Variants in WWC2 observed in about 807,000 individuals in gnomAD.
WWC2 encodes the protein protein WWC2.
A neutral mutation model predicts 138.5 loss-of-function variants in WWC2; 101 were observed. The ratio of observed to expected loss-of-function variants is 0.73; its 90% confidence interval spans 0.62 to 0.86. WWC2 has a LOEUF of 0.86. Among genes scored for constraint, WWC2 ranks in the 40% least tolerant of loss-of-function variants. WWC2 has a pLI of 0.00. For missense variants in WWC2, 1,420 were observed against 1,419.4 expected, an observed-to-expected ratio of 1.00 and a Z score of -0.01; for synonymous variants, 558 against 538.4, an observed-to-expected ratio of 1.04 and a Z score of -0.50.
chr4:183,179,409 A>G (rs1173091101), intron 1 of WWC2, among the ~76,000 whole-genome samples: 1 of 152,208 alleles, frequency 6.6e-6, no homozygotes, highest in Non-Finnish European at 1.5e-5. Flanking sequence ...TGCTGTGTGG[A>G]GTATGGGTTA....
intron 4 of WWC2, among the ~76,000 whole-genome samples, chr4:183,232,854 G>A (rs984624334): frequency 6.6e-6 from 1 of 151,976 alleles, no homozygotes; most frequent in African/African-American, 2.4e-5. Flanking sequence ...TGCTATGTTG[G>A]TCAGGCTGGT....
At chr4:183,161,415 C>T (rs1288487526) in intron 1 of WWC2, among the ~76,000 whole-genome samples, 1 of 152,110 alleles carries the variant, frequency 6.6e-6, no homozygotes, top group Non-Finnish European at 1.5e-5. Context: ...AGAAATATGA[C>T]ATAAAGCATG....
intron 21 of WWC2, among the ~76,000 whole-genome samples, chr4:183,300,930 G>T (rs2111100165): frequency 6.6e-6 from 1 of 152,252 alleles, no homozygotes; most frequent in African/African-American, 2.4e-5. Flanking sequence ...GACGGAACAG[G>T]ATCCTGCGAG....
intron 1 of WWC2, among the ~76,000 whole-genome samples, chr4:183,132,205 T>C (rs1268968456): frequency 6.6e-6 from 1 of 152,212 alleles, no homozygotes; most frequent in Non-Finnish European, 1.5e-5. Flanking sequence ...TCCTTGCTTA[T>C]CCTTAATCCT....
chr4:183,278,390 A>G (rs908086695), intron 16 of WWC2, among the ~76,000 whole-genome samples: 1 of 152,072 alleles, frequency 6.6e-6, no homozygotes, highest in Non-Finnish European at 1.5e-5. Context: ...GCCTTGTAGT[A>G]TAGTTTGAAG....
At chr4:183,192,645 T>C (rs1735021237) in intron 1 of WWC2, among the ~76,000 whole-genome samples, 1 of 152,232 alleles carries the variant, frequency 6.6e-6, no homozygotes, top group Admixed American at 6.5e-5. Context: ...GAAAATGACC[T>C]ATATTTCAGT....
At chr4:183,192,971 A>C (rs1446630857) in intron 1 of WWC2, among the ~76,000 whole-genome samples, 1 of 152,218 alleles carries the variant, frequency 6.6e-6, no homozygotes, top group Non-Finnish European at 1.5e-5. Context: ...TAAAGAAAAA[A>C]ATGGTCTTAA....
At chr4:183,183,331 A>G (rs990395226) in intron 1 of WWC2, among the ~76,000 whole-genome samples, 1 of 152,038 alleles carries the variant, frequency 6.6e-6, no homozygotes. Context: ...TTTCCCTAAC[A>G]GTCTCCCTTC....
chr4:183,234,365 A>G (rs1736348848), intron 4 of WWC2, among the ~76,000 whole-genome samples: 1 of 152,218 alleles, frequency 6.6e-6, no homozygotes, highest in Non-Finnish European at 1.5e-5. Context: ...TTAGGTGGTT[A>G]GCTACAGCTG....
intron 4 of WWC2, among the ~76,000 whole-genome samples, chr4:183,227,586 T>C (rs1349856596): frequency 6.6e-6 from 1 of 152,014 alleles, no homozygotes; most frequent in African/African-American, 2.4e-5. Context: ...GAAGATACCA[T>C]GAAAATTATC....
At chr4:183,267,156 C>T (rs916418363) in intron 14 of WWC2, among the ~76,000 whole-genome samples, 1 of 151,584 alleles carries the variant, frequency 6.6e-6, no homozygotes, top group Non-Finnish European at 1.5e-5. Context: ...CGAGCCCAGC[C>T]AAGATAGTAG....
At chr4:183,238,552 CT>C (rs1234870655) in intron 4 of WWC2, among the ~76,000 whole-genome samples, 1 of 152,190 alleles carries the variant, frequency 6.6e-6, no homozygotes, top group Non-Finnish European at 1.5e-5. Context: ...CACCCCCACC[CT>C]CTGTAATCCA....
chr4:183,245,872 C>G (rs1405486574), intron 6 of WWC2, among the ~76,000 whole-genome samples: 4 of 152,128 alleles, frequency 2.6e-5, no homozygotes, highest in Non-Finnish European at 5.9e-5. Flanking sequence ...TCATATGAGT[C>G]CCCAGTAAGC....
chr4:183,283,842 T>C (rs1738159896), intron 18 of WWC2, among the ~76,000 whole-genome samples: 1 of 152,186 alleles, frequency 6.6e-6, no homozygotes, highest in African/African-American at 2.4e-5. Flanking sequence ...AATCAGAAAG[T>C]TGAATAAAGT....
At chr4:183,144,085 A>G (rs991829418) in intron 1 of WWC2, among the ~76,000 whole-genome samples, 2 of 152,216 alleles carry the variant, frequency 1.3e-5, no homozygotes, top group African/African-American at 2.4e-5. Context: ...CTTCAGGTAT[A>G]TGTATTTCAG....
rs776276472 is a variant in WWC2 at position 183,268,756 on chromosome 4, G to A, written c.2208-215G>A. ...CAGTCTCGTGGTGAGTGGAGGCTGG[G>A]CCATTGCATGCTCAGGGGCGTAGTC... On this transcript the variant is annotated intron_variant, in intron 14 of 22. Transcript: ENST00000403733. 4.0e-4 allele frequency among the ~76,000 whole-genome samples: 61 copies of A among 152,258 alleles called. 1 individual carries two copies. The highest frequency in any genetic ancestry group is 9.8e-4 in the Admixed American group (15 of 15,296).
chr4:183,284,322 G>T lies in WWC2; in HGVS notation c.2980G>T (p.Val994Leu). 5 of 1,613,996 alleles carry T rather than the reference G, an allele frequency of 3.1e-6. No homozygotes were observed. In the South Asian group the frequency reaches 4.4e-5, roughly 14 times the overall value. ...SSLSSRQHPFVRSSVIVRSQT... is the reference protein window; with the variant it reads ...SSLSSRQHPFLRSSVIVRSQT... ...CCTGAGCTCTAGACAGCATCCGTTT[G>T]TGAGGAGCAGTGTGATAGTGCGCTC... The change falls in exon 19 of 23, where the codon GTG becomes TTG. Residue 994 changes from valine (V) to leucine (L), a missense_variant. Coordinates refer to ENST00000403733, the MANE Select transcript of WWC2 (RefSeq NM_024949.6).
At chr4:183,206,843 A>G (rs975722271) in intron 2 of WWC2, among the ~76,000 whole-genome samples, 3 of 152,252 alleles carry the variant, frequency 2.0e-5, no homozygotes, top group African/African-American at 7.2e-5. Flanking sequence ...TTGGCCCAAC[A>G]TGTGGTCAAA....
intron 21 of WWC2, among the ~76,000 whole-genome samples, chr4:183,294,198 C>G (rs1190853996): frequency 6.6e-6 from 1 of 152,054 alleles, no homozygotes; most frequent in Non-Finnish European, 1.5e-5. Context: ...ACTGCTGATA[C>G]AGAGGAAGAA....
Sources: gnomAD v4.1 joint callset for allele counts (sites outside exome capture counted in the v4.1 genomes callset) on GRCh38, gnomAD v4.1.1 for gene constraint, MANE v1.5 for transcripts, NCBI Gene and HGNC (gene_info 2026-07-23, HGNC 2026-07-21) for gene names.